The following CD274 variants were observed in gnomAD, a reference collection of about 807,000 sequenced individuals.
The protein encoded by CD274 is programmed cell death 1 ligand 1.
In CD274, 8 loss-of-function variants were observed where a neutral mutation model predicts 30.1. That is an observed-to-expected ratio of 0.27 (90% CI 0.16 to 0.48). The LOEUF is 0.48. Ranked by LOEUF, CD274 falls within the 20% of genes least tolerant of loss-of-function variation. The pLI, the probability that CD274 is intolerant of heterozygous loss-of-function variation, is 0.99. For missense variants in CD274, 353 were observed against 346.6 expected, an observed-to-expected ratio of 1.02 and a Z score of -0.15; for synonymous variants, 152 against 124.6, an observed-to-expected ratio of 1.22 and a Z score of -1.46.
At chr9:5,463,478 G>A (rs553989216) in intron 4 of CD274, among the ~76,000 whole-genome samples, 1 of 152,174 alleles carries the variant, frequency 6.6e-6, no homozygotes, top group Non-Finnish European at 1.5e-5. Context: ...TCATAGCCGG[G>A]AAACCTGGGG....
intron 3 of CD274, among the ~76,000 whole-genome samples, chr9:5,461,755 T>C (rs1033930682): frequency 2.6e-5 from 4 of 152,300 alleles, no homozygotes; most frequent in Non-Finnish European, 5.9e-5. Context: ...ACTAGAATTG[T>C]CAGCAAACTA....
At chr9:5,456,507 A>C (rs981933317) in intron 2 of CD274, among the ~76,000 whole-genome samples, 2 of 152,224 alleles carry the variant, frequency 1.3e-5, no homozygotes, top group Non-Finnish European at 1.5e-5. Context: ...TTGATCTTTC[A>C]GTCTTGGTTG....
chr9:5,470,515 T>C lies in CD274; in HGVS notation c.*2653T>C, dbSNP rs1321648659. On this transcript the variant is annotated 3_prime_UTR_variant, in exon 7 of 7. Transcript: ENST00000381577. Reference sequence around the variant, plus strand: ...GTACACCAGCATGTCCATTTTCTTGTTTATTTTGTGTTTAATAAAATGTTC... The same window carrying C: ...GTACACCAGCATGTCCATTTTCTTGCTTATTTTGTGTTTAATAAAATGTTC... The C allele has an allele frequency of 4.8e-6, 1 of 209,286 alleles. No homozygotes were observed. Among genetic ancestry groups the C allele is most frequent in the Non-Finnish European group, 9.7e-6 (1 of 103,026 alleles). 13.0% of individuals were successfully genotyped at this position (209,286 alleles called of 1,614,324 possible).
Position 5,458,925 on chromosome 9 carries a change from A to T in CD274, c.394+1505A>T, listed in dbSNP as rs560752443. Reference sequence around the variant, plus strand: ...TTAGCCTCATCAACAGCATTGCTAGATCTGGGATGGAAAGGAAGAGTATAA... The same window carrying T: ...TTAGCCTCATCAACAGCATTGCTAGTTCTGGGATGGAAAGGAAGAGTATAA... On this transcript the variant is annotated intron_variant, in intron 3 of 6. Coordinates refer to ENST00000381577, the MANE Select transcript of CD274 (RefSeq NM_014143.4). 2.6e-5 allele frequency among the ~76,000 whole-genome samples: 4 copies of T among 152,326 alleles called. No individual in the cohort carries two copies. In the East Asian group the frequency reaches 7.7e-4, roughly 29 times the overall value.
rs2131224036 is a variant in CD274, at chr9:5,463,020, C to T, written c.581C>T (p.Thr194Ile). The T allele has an allele frequency of 6.2e-7, 1 of 1,613,412 alleles. No individual in the cohort carries two copies. Among genetic ancestry groups the T allele is most frequent in the Non-Finnish European group, 8.5e-7 (1 of 1,179,378 alleles). ...AGAGAGGAGAAGCTTTTCAATGTGA[C>T]CAGCACACTGAGAATCAACACAACA... is the stretch of plus-strand genomic sequence containing the variant. Reference protein sequence around the residue: ...SKREEKLFNVTSTLRINTTTN... With the variant: ...SKREEKLFNVISTLRINTTTN... The change falls in exon 4 of 7, where the codon ACC (threonine) becomes ATC (isoleucine). Residue 194 changes from threonine to isoleucine, a missense_variant. By Grantham distance (89) the Thr-to-Ile change is moderately conservative. Transcript: ENST00000381577.
At chr9:5,456,028 A>G in intron 1 of CD274, 72 bp from the exon 2 acceptor site, 1 of 868,896 alleles carries the variant, frequency 1.2e-6, no homozygotes, top group Non-Finnish European at 1.9e-6. Flanking sequence ...AGAACCACCA[A>G]GTCCCATATT....
intron 1 of CD274, among the ~76,000 whole-genome samples, chr9:5,454,980 G>C (rs555959600): frequency 4.6e-4 from 70 of 151,814 alleles, no homozygotes; most frequent in African/African-American, 1.6e-3. Context: ...TTCCTCATGG[G>C]TTATGTGTAG....
At chr9:5,464,431 G>T (rs899370472) in intron 4 of CD274, among the ~76,000 whole-genome samples, 1 of 152,136 alleles carries the variant, frequency 6.6e-6, no homozygotes, top group Non-Finnish European at 1.5e-5. Flanking sequence ...GGCTGTTGTT[G>T]TGTCTTTAAA....
At chr9:5,467,381 C>T (rs938284516) in intron 6 of CD274, among the ~76,000 whole-genome samples, 2 of 152,160 alleles carry the variant, frequency 1.3e-5, no homozygotes, top group African/African-American at 4.8e-5. Flanking sequence ...CTGCTTCAAT[C>T]CATTTTGCTA....
chr9:5,457,510 T>C, intron 3 of CD274, 90 bp downstream of exon 3: 2 of 992,152 alleles, frequency 2.0e-6, no homozygotes, highest in Non-Finnish European at 3.0e-6. Context: ...TCCATACTTA[T>C]TTTCAAACAG....
At chr9:5,463,160 C>T (rs1360654959) in intron 4 of CD274, 39 bp downstream of exon 4, 1 of 1,508,448 alleles carries the variant, frequency 6.6e-7, no homozygotes, top group South Asian at 1.2e-5. Flanking sequence ...ATGTCTAACA[C>T]TGTCCCCTAG....
chr9:5,457,441 G>A (rs1819326837), intron 3 of CD274, 21 bp downstream of exon 3: 1 of 1,580,540 alleles, frequency 6.3e-7, no homozygotes, highest in African/African-American at 1.3e-5. Flanking sequence ...TTATAGATGA[G>A]AGGCCTGATC....
In CD274 at chr9:5,469,058, C is replaced by T. The variant is rs1819544160; in HGVS notation, c.*1196C>T. 2 of 232,794 alleles carry T rather than the reference C, an allele frequency of 8.6e-6. No homozygotes were observed. Among genetic ancestry groups the T allele is most frequent in the South Asian group, 3.6e-4 (2 of 5,516 alleles). 14.4% of individuals were successfully genotyped at this position (232,794 alleles called of 1,614,324 possible). ...CGAGGGGAAAACCCGAGCAGTGTTG[C>T]CAAGAGGAGGAAATAGGCCAATGTG... On this transcript the variant is annotated 3_prime_UTR_variant, in exon 7 of 7. Transcript: ENST00000381577.
At chr9:5,465,338 A>G (rs1303386393) in intron 4 of CD274, among the ~76,000 whole-genome samples, 161 bp from the exon 5 acceptor site, 1 of 152,192 alleles carries the variant, frequency 6.6e-6, no homozygotes, top group East Asian at 1.9e-4. Context: ...TGCTGTTCCC[A>G]TTTTAACACA....
intron 5 of CD274, 79 bp from the exon 6 acceptor site, chr9:5,466,691 C>T (rs936421098): frequency 6.6e-6 from 7 of 1,052,650 alleles, no homozygotes; most frequent in Non-Finnish European, 1.0e-5. Flanking sequence ...TTTCACAGAA[C>T]TTGAAATTTA....
At chr9:5,461,215 T>C (rs1417817450) in intron 3 of CD274, among the ~76,000 whole-genome samples, 3 of 152,174 alleles carry the variant, frequency 2.0e-5, no homozygotes, top group African/African-American at 4.8e-5. Flanking sequence ...CAGTGGCCGA[T>C]AAAAAGTGTC....
chr9:5,455,187 G>A (rs904637669), intron 1 of CD274, among the ~76,000 whole-genome samples: 1 of 152,086 alleles, frequency 6.6e-6, no homozygotes, highest in Non-Finnish European at 1.5e-5. Context: ...ACAGAAGAGG[G>A]AGAAAATATT....
At position 5,470,497 on chromosome 9, in the gene CD274, A is replaced by G. The variant is rs4742098; in HGVS notation, c.*2635A>G. 0.25 allele frequency: 52,739 copies of G among 214,568 alleles called. 7,599 individuals are homozygous for G. Among genetic ancestry groups the G allele is most frequent in the East Asian group, 0.52 (7,455 of 14,316 alleles). 13.3% of individuals were successfully genotyped at this position (214,568 alleles called of 1,614,324 possible). On this transcript the variant is annotated 3_prime_UTR_variant, in exon 7 of 7. Coordinates refer to ENST00000381577, the MANE Select transcript of CD274 (RefSeq NM_014143.4). ...TATTTATTTTGTTACTTGGTACACCAGCATGTCCATTTTCTTGTTTATTTT... is the reference window on the plus strand; with the variant it reads ...TATTTATTTTGTTACTTGGTACACCGGCATGTCCATTTTCTTGTTTATTTT...
chr9:5,460,141 A>G (rs1184441693), intron 3 of CD274, among the ~76,000 whole-genome samples: 1 of 152,174 alleles, frequency 6.6e-6, no homozygotes, highest in African/African-American at 2.4e-5. Context: ...TGTTGAGTCA[A>G]TGAATGAATG....
Sources: allele counts gnomAD v4.1 joint callset (sites outside exome capture counted in the v4.1 genomes callset), GRCh38; gene constraint gnomAD v4.1.1; transcripts MANE v1.5; gene names NCBI Gene and HGNC (gene_info 2026-07-23, HGNC 2026-07-21).